The following LMNB1 variants were observed in gnomAD, a reference collection of about 807,000 sequenced individuals.
LMNB1 encodes the protein lamin-B1.
LMNB1 carries 23 observed loss-of-function variants against 67.1 expected under a neutral mutation model. That is an observed-to-expected ratio of 0.34 (90% CI 0.25 to 0.49). LMNB1 has a LOEUF of 0.49. Among genes scored for constraint, LMNB1 ranks in the 20% least tolerant of loss-of-function variants. The probability of loss-of-function intolerance (pLI) is 0.99; values close to 1 mark genes in which losing one functional copy is unlikely to be tolerated. For missense variants in LMNB1, 634 were observed against 746.5 expected, an observed-to-expected ratio of 0.85 and a Z score of 1.76; for synonymous variants, 281 against 282.9, an observed-to-expected ratio of 0.99 and a Z score of 0.07.
In LMNB1 at chr5:126,820,846, T is replaced by G. The variant is rs6867254; in HGVS notation, c.1161-64T>G. 271,745 of 1,274,066 alleles carry G rather than the reference T, an allele frequency of 0.21. 32,813 individuals are homozygous for G. The highest frequency in any genetic ancestry group is 0.29 in the Admixed American group (13,140 of 45,030). The allele number at this position is 1,274,066 out of a possible 1,614,324, so 78.9% of individuals were successfully genotyped here. On this transcript the variant is annotated intron_variant, in intron 6 of 10. Coordinates refer to ENST00000261366, the MANE Select transcript of LMNB1 (RefSeq NM_005573.4). The stretch of plus-strand genomic sequence containing the variant: ...CCCAGCCCTTGTTTTTTTGTTTTTT[T>G]TTTTTTTAAGGCGAGAAGGGCATAT...
At chr5:126,776,817 G>A (rs938344659), upstream of LMNB1, 2 of 152,142 alleles carry the variant, frequency 1.3e-5, no homozygotes, top group African/African-American at 4.8e-5. Flanking sequence ...CCCGCGGGGC[G>A]GCGGGAGGGC....
At chr5:126,790,776 T>G (rs76875629) in intron 1 of LMNB1, among the ~76,000 whole-genome samples, 1 of 152,146 alleles carries the variant, frequency 6.6e-6, no homozygotes, top group African/African-American at 2.4e-5. Context: ...TCTTAGACTT[T>G]TGAAGGCATG....
intron 10 of LMNB1, among the ~76,000 whole-genome samples, chr5:126,833,345 A>T (rs1752177612): frequency 6.6e-6 from 1 of 152,250 alleles, no homozygotes; most frequent in Non-Finnish European, 1.5e-5. Context: ...AATTGGAATT[A>T]TTAATAACTA....
intron 1 of LMNB1, among the ~76,000 whole-genome samples, chr5:126,794,604 C>G (rs1180253679): frequency 2.6e-5 from 4 of 152,108 alleles, no homozygotes; most frequent in Non-Finnish European, 5.9e-5. Flanking sequence ...GAGTACTGCA[C>G]TAGTGTTGAG....
Position 126,819,029 on chromosome 5 carries a change from A to G in LMNB1, c.1047A>G (p.Ile349Met). ...LTDKEREMAEIRDQMQQQLND... is the reference protein window; with the variant it reads ...LTDKEREMAEMRDQMQQQLND... The stretch of plus-strand genomic sequence containing the variant: ...ACAAAGAGAGAGAGATGGCGGAAAT[A>G]AGGGATCAAATGCAGCAACAGCTGA... The change falls in exon 6 of 11, where the codon ATA becomes ATG. Residue 349 changes from isoleucine to methionine, a missense_variant. Transcript: ENST00000261366. 4 of 1,614,166 alleles carry G rather than the reference A, an allele frequency of 2.5e-6. No homozygotes were observed. Among genetic ancestry groups the G allele is most frequent in the Non-Finnish European group, 3.4e-6 (4 of 1,180,000 alleles).
At chr5:126,800,982 A>ATATATATTTTTTTT in intron 1 of LMNB1, among the ~76,000 whole-genome samples, 3 of 18,628 alleles carry the variant, frequency 1.6e-4, no homozygotes, top group Non-Finnish European at 2.1e-4. Flanking sequence ...TATATATATA[A>ATATATATTTTTTTT]TTTTTTTTTT....
intron 1 of LMNB1, among the ~76,000 whole-genome samples, chr5:126,803,181 C>G (rs903314229): frequency 1.6e-4 from 20 of 125,392 alleles, no homozygotes; most frequent in African/African-American, 5.9e-5. Flanking sequence ...GAGATGCCAT[C>G]TCAAAAAAAA....
In LMNB1 at chr5:126,814,200, C is replaced by A. The variant is rs185776414; in HGVS notation, c.939+2302C>A. Among the ~76,000 whole-genome samples the A allele has an allele frequency of 2.7e-3, 405 of 152,282 alleles. 1 individual carries two copies. The highest frequency in any genetic ancestry group is 9.3e-3 in the African/African-American group (387 of 41,576). On this transcript the variant is annotated intron_variant, in intron 5 of 10. Coordinates refer to ENST00000261366, the MANE Select transcript of LMNB1 (RefSeq NM_005573.4). ...GTGAGCCACTGCACCTGGCCTATAT[C>A]AACTGTCTTAACAGGTACTTTTCCA...
At chr5:126,812,313 T>A (rs1387604272) in intron 5 of LMNB1, among the ~76,000 whole-genome samples, 1 of 152,246 alleles carries the variant, frequency 6.6e-6, no homozygotes, top group Non-Finnish European at 1.5e-5. Context: ...GTGAATGCTT[T>A]GTGTTTCTAG....
intron 1 of LMNB1, among the ~76,000 whole-genome samples, chr5:126,791,145 C>A (rs1750946624): frequency 6.6e-6 from 1 of 152,106 alleles, no homozygotes; most frequent in Non-Finnish European, 1.5e-5. Flanking sequence ...CTTGTAGGAT[C>A]TTCTTTTGAT....
intron 1 of LMNB1, among the ~76,000 whole-genome samples, chr5:126,787,524 G>GTGTATATATATA (rs1554112714): frequency 1.1e-5 from 1 of 87,680 alleles, no homozygotes; most frequent in Admixed American, 1.6e-4. Context: ...GTGTGTGGGG[G>GTGTATATATATA]TATATATATA....
At chr5:126,812,443 G>A (rs1210739559) in intron 5 of LMNB1, among the ~76,000 whole-genome samples, 1 of 152,188 alleles carries the variant, frequency 6.6e-6, no homozygotes, top group African/African-American at 2.4e-5. Context: ...AGTGACAAAT[G>A]GCATTATTGC....
chr5:126,788,363 C>T (rs1750863592), intron 1 of LMNB1, among the ~76,000 whole-genome samples: 1 of 151,972 alleles, frequency 6.6e-6, no homozygotes, highest in Admixed American at 6.6e-5. Context: ...TGAGGCTGGG[C>T]GTGGTGGCTC....
chr5:126,789,022 A>G (rs1750882765), intron 1 of LMNB1, among the ~76,000 whole-genome samples: 1 of 151,602 alleles, frequency 6.6e-6, no homozygotes, highest in Non-Finnish European at 1.5e-5. Context: ...CAGCCTCTGG[A>G]GTAGCTGGGA....
chr5:126,826,185 T>TGAAACGTGCAATAACC, intron 9 of LMNB1, 78 bp downstream of exon 9: 1 of 1,486,640 alleles, frequency 6.7e-7, no homozygotes. Context: ...AAGATCAGAT[T>TGAAACGTGCAATAACC]GAAACGTGCA....
chr5:126,779,062 T>TAA (rs1750557253), intron 1 of LMNB1, among the ~76,000 whole-genome samples: 2 of 152,234 alleles, frequency 1.3e-5, no homozygotes, highest in African/African-American at 4.8e-5. Context: ...CTGAAATTTC[T>TAA]GGAGGTACCT....
At chr5:126,784,014 A>AT (rs61578729) in intron 1 of LMNB1, among the ~76,000 whole-genome samples, 4,045 of 59,488 alleles carry the variant, frequency 0.068, 937 homozygotes, top group African/African-American at 0.22. Flanking sequence ...CTGTCATTTG[A>AT]TTTTTTTTTT....
intron 5 of LMNB1, among the ~76,000 whole-genome samples, chr5:126,813,187 T>G (rs1223525121): frequency 2.0e-5 from 3 of 152,264 alleles, no homozygotes; most frequent in Non-Finnish European, 4.4e-5. Context: ...AATAATTTAG[T>G]TAACACAGGG....
chr5:126,784,852 C>G (rs34433938), intron 1 of LMNB1, among the ~76,000 whole-genome samples: 42,966 of 148,626 alleles, frequency 0.29, 6,348 homozygotes, highest in East Asian at 0.35. Flanking sequence ...TTAGTAGAGG[C>G]TGGGTTTCAC....
Sources: gnomAD v4.1 joint callset for allele counts (sites outside exome capture counted in the v4.1 genomes callset) on GRCh38, gnomAD v4.1.1 for gene constraint, MANE v1.5 for transcripts, NCBI Gene and HGNC (gene_info 2026-07-23, HGNC 2026-07-21) for gene names.